ATM: variants seen among roughly 807,000 people sequenced by gnomAD.
The protein encoded by ATM is serine-protein kinase ATM.
Under a neutral mutation model 387.0 loss-of-function variants are expected in ATM, and 308 were observed. The observed-to-expected ratio is 0.80, with a 90% CI of 0.73 to 0.87. The LOEUF (loss-of-function observed/expected upper bound fraction) is 0.87. Among genes scored for constraint, ATM ranks in the 40% least tolerant of loss-of-function variants. ATM has a pLI of 0.00. For synonymous variants in ATM, 1,156 were observed against 1,187.3 expected, an observed-to-expected ratio of 0.97 and a Z score of 0.54; for missense variants, 3,312 against 3,560.9, an observed-to-expected ratio of 0.93 and a Z score of 1.78.
At chr11:108,244,372 C>G (rs563253108) in intron 6 of ATM, among the ~76,000 whole-genome samples, 1 of 152,178 alleles carries the variant, frequency 6.6e-6, no homozygotes, top group African/African-American at 2.4e-5. Flanking sequence ...TAAATATCCT[C>G]TAAGTCATTG....
intron 5 of ATM, among the ~76,000 whole-genome samples, chr11:108,242,556 A>G (rs970643018): frequency 6.6e-5 from 10 of 152,200 alleles, no homozygotes; most frequent in Non-Finnish European, 1.5e-4. Context: ...CAAGTATAAC[A>G]TTGTGAATAA....
intron 16 of ATM, among the ~76,000 whole-genome samples, chr11:108,260,864 A>G (rs1565403133): frequency 6.6e-6 from 1 of 152,196 alleles, no homozygotes; most frequent in East Asian, 1.9e-4. Flanking sequence ...TTTCTGAGTC[A>G]AAGAAAGGGG....
chr11:108,317,632 TATATATATATATATATATATAC>T, intron 43 of ATM, 111 bp downstream of exon 43: 1 of 172,852 alleles, frequency 5.8e-6, no homozygotes, highest in Non-Finnish European at 1.0e-5. Flanking sequence ...TATATATATA[TATATATATATATATATATATAC>T]ACACACACAC....
intron 21 of ATM, 51 bp downstream of exon 21, chr11:108,272,658 G>A (rs2081650421): frequency 2.5e-6 from 4 of 1,612,598 alleles, no homozygotes; most frequent in Non-Finnish European, 3.4e-6. Context: ...TTTTAAAGCA[G>A]TCTTTGTTTG....
Position 108,227,830 on chromosome 11 carries a change from C to G in ATM, c.127C>G (p.Leu43Val), listed in dbSNP as rs772591447. The G allele has an allele frequency of 5.6e-6, 9 of 1,613,604 alleles. No homozygotes were observed. The South Asian group carries it at 7.7e-5, about 14-fold the overall frequency. The stretch of plus-strand genomic sequence containing the variant: ...TCGAGATCCTGAAACAATTAAACAT[C>G]TAGATCGGCATTCAGATTCCAAACA... ...LIRDPETIKH[L>V]DRHSDSKQGK... The change falls in exon 3 of 63, where the codon CTA becomes GTA. Residue 43 changes from leucine (L) to valine (V), a missense_variant. Leu to Val is a conservative substitution (Grantham distance 32). Transcript: ENST00000675843.
chr11:108,234,957 A>T (rs1324624820), intron 4 of ATM, among the ~76,000 whole-genome samples: 1 of 152,168 alleles, frequency 6.6e-6, no homozygotes, highest in African/African-American at 2.4e-5. Context: ...TATTCTAATA[A>T]ATTCATTCTT....
chr11:108,344,487 T>C (rs763621091), intron 57 of ATM, among the ~76,000 whole-genome samples: 6 of 152,146 alleles, frequency 3.9e-5, no homozygotes, highest in African/African-American at 7.2e-5. Flanking sequence ...CAAAGGAGTT[T>C]GCACCTTATG....
intron 51 of ATM, 129 bp downstream of exon 51, chr11:108,331,686 C>T: frequency 2.2e-6 from 3 of 1,348,228 alleles, no homozygotes; most frequent in African/African-American, 1.5e-5. Flanking sequence ...TGTCTTCTCA[C>T]ATCACATAAG....
Position 108,297,397 on chromosome 11 carries a change from T to C in ATM, c.5005+15T>C, listed in dbSNP as rs377355762. 2.7e-5 allele frequency: 42 copies of C among 1,574,836 alleles called. No individual in the cohort carries two copies. Among genetic ancestry groups the C allele is most frequent in the Non-Finnish European group, 3.1e-5 (36 of 1,144,432 alleles). ...AGAAGTTCTAGGTAAACTACAGTCA[T>C]GCGCTGCGTGACATTTCAGTCAACT... On this transcript the variant is annotated intron_variant, in intron 33 of 62. Coordinates refer to ENST00000675843, the MANE Select transcript of ATM (RefSeq NM_000051.4).
At chr11:108,353,738 C>T (rs2137281818) in intron 59 of ATM, 28 bp from the exon 60 acceptor site, 4 of 1,548,032 alleles carry the variant, frequency 2.6e-6, no homozygotes, top group Non-Finnish European at 3.6e-6. Context: ...TGTCAAACCT[C>T]CTAACTTCAC....
At position 108,330,121 on chromosome 11, in the gene ATM, A is replaced by G. The variant is rs559792253; in HGVS notation, c.7308-93A>G. ...CTTTTTTCCCTGGGATAAAAACCCA[A>G]CTTTTTTCATTAAATGTTGTATATC... On this transcript the variant is annotated intron_variant, in intron 49 of 62. Transcript: ENST00000675843. 68 of 1,432,468 alleles carry G rather than the reference A, an allele frequency of 4.7e-5. No individual in the cohort carries two copies. The South Asian group carries it at 7.9e-4, about 17-fold the overall frequency. The allele number at this position is 1,432,468 out of a possible 1,614,324, so 88.7% of individuals were successfully genotyped here. A position where few individuals can be genotyped will look rare whatever the true frequency, so the allele number is the denominator to read the frequency against.
At chr11:108,252,120 A>G (rs2080187182) in intron 11 of ATM, 89 bp downstream of exon 11, 1 of 1,150,416 alleles carries the variant, frequency 8.7e-7, no homozygotes, top group African/African-American at 1.6e-5. Flanking sequence ...GCTTTATTTT[A>G]TAATAATAAT....
chr11:108,331,325 A>G, intron 50 of ATM, 119 bp from the exon 51 acceptor site: 9 of 1,469,336 alleles, frequency 6.1e-6, no homozygotes, highest in Non-Finnish European at 8.1e-6. Context: ...TAGTTAGTGA[A>G]GTTTTGTTAA....
At chr11:108,237,899 G>GTTTTTTTTTTTTT (rs369161623) in intron 5 of ATM, among the ~76,000 whole-genome samples, 20 of 92,034 alleles carry the variant, frequency 2.2e-4, no homozygotes, top group African/African-American at 4.7e-4. Flanking sequence ...ATTTACTTAG[G>GTTTTTTTTTTTTT]TTTTTTTTTT....
At chr11:108,297,132 T>A in intron 32 of ATM, 155 bp from the exon 33 acceptor site, 1 of 618,344 alleles carries the variant, frequency 1.6e-6, no homozygotes, top group Admixed American at 2.8e-5. Context: ...AAGTTCAGAT[T>A]CATTCCCTAC....
rs201530510 is a variant in ATM at position 108,353,908 on chromosome 11, A to G, written c.8786+28A>G. The G allele has an allele frequency of 1.3e-4, 199 of 1,579,292 alleles. 2 individuals carry two copies. The East Asian group carries it at 4.4e-3, about 35-fold the overall frequency. On this transcript the variant is annotated intron_variant, in intron 60 of 62. Coordinates refer to ENST00000675843, the MANE Select transcript of ATM (RefSeq NM_000051.4). Reference sequence around the variant, plus strand: ...AAGTGATATGAAGTAAAGGAGGGAAATAATTTTTGATGTCAAAATTACATG... The same window carrying G: ...AAGTGATATGAAGTAAAGGAGGGAAGTAATTTTTGATGTCAAAATTACATG...
At chr11:108,238,045 G>C (rs562739487) in intron 5 of ATM, among the ~76,000 whole-genome samples, 1 of 151,562 alleles carries the variant, frequency 6.6e-6, no homozygotes, top group South Asian at 2.1e-4. Flanking sequence ...TCCTGCCTCA[G>C]CCTCCTGAGT....
At chr11:108,236,661 C>T (rs1214476457) in intron 5 of ATM, 1 of 152,120 alleles carries the variant, frequency 6.6e-6, no homozygotes, top group Non-Finnish European at 1.5e-5. Flanking sequence ...CACGCTACTT[C>T]TAAGGTAATG....
chr11:108,262,459 G>A (rs2080957097), intron 16 of ATM, among the ~76,000 whole-genome samples: 1 of 152,194 alleles, frequency 6.6e-6, no homozygotes, highest in Non-Finnish European at 1.5e-5. Flanking sequence ...CACCAGGCCT[G>A]CCTTACAAGA....
Sources: allele counts gnomAD v4.1 joint callset (sites outside exome capture counted in the v4.1 genomes callset), GRCh38; gene constraint gnomAD v4.1.1; transcripts MANE v1.5; gene names NCBI Gene and HGNC (gene_info 2026-07-23, HGNC 2026-07-21).